ABL1: variants seen among roughly 807,000 people sequenced by gnomAD.
ABL1 encodes the protein tyrosine-protein kinase ABL1.
In ABL1, 11 loss-of-function variants were observed where a neutral mutation model predicts 94.7. That is an observed-to-expected ratio of 0.12 (90% CI 0.07 to 0.19). The LOEUF is 0.19. ABL1 is among the 10% of genes least tolerant of loss of function. The pLI is 1.00. For missense variants in ABL1, 1,082 were observed against 1,489.4 expected (o/e 0.73, Z 4.50); for synonymous variants, 656 against 622.4 (o/e 1.05, Z -0.80).
intron 6 of ABL1, among the ~76,000 whole-genome samples, chr9:130,873,753 A>G (rs1438152695): frequency 5.9e-5 from 9 of 152,178 alleles, no homozygotes. Flanking sequence ...ACAGAGCCTG[A>G]TGGGCTTTGC....
intron 1 of ABL1, among the ~76,000 whole-genome samples, chr9:130,824,350 T>C (rs951720930): frequency 1.3e-5 from 2 of 152,148 alleles, no homozygotes; most frequent in African/African-American, 4.8e-5. Flanking sequence ...CCAACCTTCC[T>C]TTTTCTGTTT....
chr9:130,821,840 AT>A (rs71389365), intron 1 of ABL1, among the ~76,000 whole-genome samples: 94,751 of 109,926 alleles, frequency 0.86, 41,149 homozygotes, highest in East Asian at 0.97. Context: ...TATTATTATT[AT>A]TTTTTTTTTT....
At chr9:130,737,360 C>T (rs1487249596) in intron 1 of ABL1, among the ~76,000 whole-genome samples, 1 of 152,054 alleles carries the variant, frequency 6.6e-6, no homozygotes, top group South Asian at 2.1e-4. Context: ...CTCCACCTCC[C>T]GAGTTTAAGT....
intron 1 of ABL1, among the ~76,000 whole-genome samples, chr9:130,837,017 T>C (rs72765060): frequency 0.21 from 32,635 of 152,064 alleles, 4,300 homozygotes; most frequent in African/African-American, 0.37. Flanking sequence ...GAGTCACATA[T>C]GCAGATCGCA....
intron 1 of ABL1, among the ~76,000 whole-genome samples, chr9:130,813,313 G>C (rs1440550623): frequency 6.6e-6 from 1 of 152,074 alleles, no homozygotes; most frequent in Non-Finnish European, 1.5e-5. Context: ...TGTAATCCCA[G>C]CACTTTGGGA....
intron 1 of ABL1, among the ~76,000 whole-genome samples, chr9:130,807,283 C>CT (rs1361333242): frequency 6.6e-6 from 1 of 152,136 alleles, no homozygotes; most frequent in Admixed American, 6.5e-5. Context: ...CAGTCTCACT[C>CT]TGTTGACCAG....
intron 1 of ABL1, among the ~76,000 whole-genome samples, chr9:130,828,720 A>AG (rs1830458581): frequency 1.3e-5 from 2 of 152,190 alleles, no homozygotes; most frequent in Admixed American, 6.5e-5. Context: ...TCAAAAAAAA[A>AG]GAAAAGAAAA....
intron 1 of ABL1, among the ~76,000 whole-genome samples, chr9:130,721,436 C>T (rs1400956492): frequency 6.6e-6 from 1 of 152,046 alleles, no homozygotes; most frequent in Non-Finnish European, 1.5e-5. Flanking sequence ...AGGCCAGGTG[C>T]GGTGGCTCAT....
chr9:130,857,382 G>A (rs964874146), intron 3 of ABL1, among the ~76,000 whole-genome samples: 2 of 152,218 alleles, frequency 1.3e-5, no homozygotes, highest in African/African-American at 4.8e-5. Flanking sequence ...ACTCTGACTG[G>A]TAAAGAATGG....
chr9:130,860,601 G>GC (rs776286958), intron 3 of ABL1, among the ~76,000 whole-genome samples: 4 of 152,200 alleles, frequency 2.6e-5, no homozygotes, highest in African/African-American at 4.8e-5. Flanking sequence ...AATGAGACTT[G>GC]CTCCCAGGTG....
intron 1 of ABL1, among the ~76,000 whole-genome samples, chr9:130,794,546 T>C (rs1161988374): frequency 1.3e-5 from 2 of 152,196 alleles, no homozygotes; most frequent in African/African-American, 4.8e-5. Flanking sequence ...TGTTTCTCCT[T>C]CCTTCATCAT....
rs1025366734 is a variant in ABL1 at position 130,726,093 on chromosome 9, C to A, written c.136+11638C>A. On this transcript the variant is annotated intron_variant, in intron 1 of 10. Coordinates refer to the ABL1 transcript ENST00000372348. The stretch of plus-strand genomic sequence containing the variant: ...CTTGAACTCCTGGGCTCAGGTGATA[C>A]TCCTGCCTCAACCTCCCAAAGTGTT... Among the ~76,000 whole-genome samples the A allele has an allele frequency of 4.6e-5, 7 of 151,886 alleles. 1 individual carries two copies. The highest frequency in any genetic ancestry group is 4.6e-4 in the Admixed American group (7 of 15,226).
At chr9:130,754,749 G>A (rs941918714) in intron 1 of ABL1, among the ~76,000 whole-genome samples, 2 of 152,026 alleles carry the variant, frequency 1.3e-5, no homozygotes, top group Admixed American at 6.6e-5. Flanking sequence ...AGATATAGAT[G>A]GGGTTTGAAT....
intron 3 of ABL1, among the ~76,000 whole-genome samples, chr9:130,858,611 G>A (rs1023802783): frequency 1.8e-4 from 27 of 152,162 alleles, no homozygotes; most frequent in Admixed American, 2.6e-4. Context: ...AGTGAACATC[G>A]TTAGAGGGAG....
In ABL1 at chr9:130,814,653, G is replaced by A. The variant is rs34902387; in HGVS notation, c.137-39411G>A. 0.016 allele frequency among the ~76,000 whole-genome samples: 2,381 copies of A among 152,194 alleles called. 55 individuals carry two copies. The highest frequency in any genetic ancestry group is 0.055 in the African/African-American group (2,291 of 41,518). On this transcript the variant is annotated intron_variant, in intron 1 of 10. Coordinates refer to the ABL1 transcript ENST00000372348. This position sits in a 1 kb window ranked among gnomAD's most constrained non-coding sequence, Gnocchi z 4.4. ...AGCACTTTGGTAGGCCGAGGTGGGC[G>A]GATCACGAGGTCAGGAGACCGAGAC... is the stretch of plus-strand genomic sequence containing the variant.
upstream of ABL1, among the ~76,000 whole-genome samples, chr9:130,830,909 G>A (rs528170346): frequency 3.9e-4 from 60 of 152,268 alleles, no homozygotes; most frequent in African/African-American, 1.3e-3. Context: ...CACATAACTC[G>A]TGACCAGCAG....
intron 1 of ABL1, among the ~76,000 whole-genome samples, chr9:130,797,237 A>G (rs1044563818): frequency 0.011 from 85 of 7,638 alleles, 1 homozygote; most frequent in East Asian, 0.11. Context: ...CTCCATCTCG[A>G]AAAAAAAAAA....
chr9:130,782,870 A>G (rs574802908), intron 1 of ABL1, among the ~76,000 whole-genome samples: 1 of 152,342 alleles, frequency 6.6e-6, no homozygotes, highest in South Asian at 2.1e-4. Flanking sequence ...AACATTTCCA[A>G]TGAAAATCAT....
At chr9:130,868,520 C>CTTTTT (rs71389371) in intron 4 of ABL1, among the ~76,000 whole-genome samples, 17 of 112,090 alleles carry the variant, frequency 1.5e-4, no homozygotes, top group Middle Eastern at 4.9e-3. Context: ...TTTTCTTTTT[C>CTTTTT]TTTTTTTTTT....
Sources: allele counts gnomAD v4.1 joint callset (sites outside exome capture counted in the v4.1 genomes callset), GRCh38; gene constraint gnomAD v4.1.1; non-coding constraint Gnocchi (gnomAD v3.1); transcripts MANE v1.5; gene names NCBI Gene and HGNC (gene_info 2026-07-23, HGNC 2026-07-21).